PPRC1: variants seen among roughly 807,000 people sequenced by gnomAD.
PPRC1 encodes the protein peroxisome proliferator-activated receptor gamma coactivator-related protein 1.
Under a neutral mutation model 132.5 loss-of-function variants are expected in PPRC1, and 23 were observed. The ratio of observed to expected loss-of-function variants is 0.17; its 90% CI spans 0.12 to 0.25. The LOEUF is 0.25. Ranked by LOEUF, PPRC1 falls within the 10% of genes least tolerant of loss-of-function variation. PPRC1 has a pLI of 1.00. For synonymous variants in PPRC1, 872 were observed against 833.5 expected, an observed-to-expected ratio of 1.05 and a Z score of -0.80; for missense variants, 2,006 against 2,089.1, an observed-to-expected ratio of 0.96 and a Z score of 0.78.
chr10:102,131,478 A>G (rs1404566752), upstream of PPRC1, among the ~76,000 whole-genome samples: 1 of 152,154 alleles, frequency 6.6e-6, no homozygotes, highest in African/African-American at 2.4e-5. Flanking sequence ...TAGTGATGCA[A>G]TATTTCTAAA....
At chr10:102,133,270 C>G in intron 1 of PPRC1, 49 bp downstream of exon 1, 1 of 1,238,452 alleles carries the variant, frequency 8.1e-7, no homozygotes, top group Non-Finnish European at 1.0e-6. Context: ...CGGTGTGTGC[C>G]GGGCGGTGAC....
At position 102,140,897 on chromosome 10, in the gene PPRC1, A is replaced by T. The variant is rs930344023; in HGVS notation, c.2389A>T (p.Ile797Phe). The T allele has an allele frequency of 6.2e-7, 1 of 1,613,930 alleles. No homozygotes were observed. Among genetic ancestry groups the T allele is most frequent in the African/African-American group, 1.3e-5 (1 of 74,904 alleles). ...TGLADIPCLV[I>F]PPAPAKKTAL... Reference sequence around the variant, plus strand: ...GCTGGCAGACATCCCTTGTCTTGTCATCCCACCAGCCCCAGCCAAGAAGAC... The same window carrying T: ...GCTGGCAGACATCCCTTGTCTTGTCTTCCCACCAGCCCCAGCCAAGAAGAC... Residue 797 changes from isoleucine (I) to phenylalanine (F), a missense_variant, in exon 5 of 14, where the codon ATC (isoleucine) becomes TTC (phenylalanine). This residue lies in a region of PPRC1 where 1,914 missense variants were observed against 1,917.2 expected (regional missense o/e 1.00). Coordinates refer to ENST00000278070, the MANE Select transcript of PPRC1 (RefSeq NM_015062.5).
chr10:102,144,478 G>A, intron 7 of PPRC1, 171 bp downstream of exon 7: 1 of 649,560 alleles, frequency 1.5e-6, no homozygotes, highest in South Asian at 1.9e-5. Flanking sequence ...CAGTGTCTTG[G>A]GTGGTGAGGT....
At chr10:102,138,095 A>G (rs1447475970) in intron 2 of PPRC1, 57 bp downstream of exon 2, 4 of 1,548,728 alleles carry the variant, frequency 2.6e-6, no homozygotes, top group Non-Finnish European at 3.5e-6. Context: ...GGGAGGTTCT[A>G]GCTCAAATTC....
Position 102,140,628 on chromosome 10 carries a change from C to T in PPRC1, c.2120C>T (p.Pro707Leu), listed in dbSNP as rs753625577. 1 of 1,614,046 alleles carries T rather than the reference C, an allele frequency of 6.2e-7. No individual in the cohort carries two copies. The highest frequency in any genetic ancestry group is 2.2e-5 in the East Asian group (1 of 44,874). Residue 707 changes from proline to leucine, a missense_variant, in exon 5 of 14, where the codon CCC (proline) becomes CTC (leucine). Pro to Leu is a moderately conservative substitution (Grantham distance 98). Transcript: ENST00000278070. ...AVSSALGGSA[P>L]QLLVESESLD... ...TCATCAGCCCTGGGGGGTTCAGCAC[C>T]CCAGCTCCTCGTGGAGTCAGAGTCC...
chr10:102,120,473 C>A, the PPRC1 span: 2 of 838,250 alleles, frequency 2.4e-6, no homozygotes, highest in South Asian at 5.4e-5. Flanking sequence ...TCCCTCGCGC[C>A]GGCGCCGGCT....
chr10:102,149,283 C>T lies in PPRC1; in HGVS notation c.4845C>T (p.Cys1615=), dbSNP rs776830802. 5.0e-6 allele frequency: 8 copies of T among 1,610,232 alleles called. No individual in the cohort carries two copies. The highest frequency in any genetic ancestry group is 4.5e-5 in the East Asian group (2 of 44,852). The change falls in exon 13 of 14, where the codon TGC becomes TGT. Residue 1615 remains cysteine, a synonymous_variant. Transcript: ENST00000278070. The stretch of plus-strand genomic sequence containing the variant: ...CAGATGAGCAGCCCTTTGATCTCTG[C>T]TTTGGGGGCCGAAGGCAGTTCTGCA... The part of the protein sequence containing the change: ...RQADEQPFDL[C]FGGRRQFCKR...
In PPRC1 at chr10:102,139,888, G is replaced by A. The variant is rs1418341643; in HGVS notation, c.1380G>A (p.Arg460=). Residue 460 remains arginine, a synonymous_variant, in exon 5 of 14, where the codon AGG becomes AGA. Transcript: ENST00000278070. ...APGSQRARKG[R]KKKSKEQPAA... ...GTTCCCAGAGAGCTCGAAAGGGCAG[G>A]AAGAAGAAGAGCAAGGAGCAGCCAG... 6 of 1,614,056 alleles carry A rather than the reference G, an allele frequency of 3.7e-6. No individual in the cohort carries two copies. The African/African-American group carries it at 4.0e-5, about 11-fold the overall frequency.
At chr10:102,130,467 G>A (rs1263480683), upstream of PPRC1, among the ~76,000 whole-genome samples, 2 of 150,662 alleles carry the variant, frequency 1.3e-5, no homozygotes, top group Non-Finnish European at 2.9e-5. Flanking sequence ...TGGGCGCAGT[G>A]GCTCACGCCC....
rs548899341 is a variant in PPRC1 at position 102,150,194 on chromosome 10, G to T, written c.*165G>T. 10 of 572,148 alleles carry T rather than the reference G, an allele frequency of 1.7e-5. No individual in the cohort carries two copies. Among genetic ancestry groups the T allele is most frequent in the African/African-American group, 3.8e-5 (2 of 53,206 alleles). The allele number at this position is 572,148 out of a possible 1,614,324, so 35.4% of individuals were successfully genotyped here. On this transcript the variant is annotated 3_prime_UTR_variant, in exon 14 of 14. Coordinates refer to ENST00000278070, the MANE Select transcript of PPRC1 (RefSeq NM_015062.5). ...TGTTGAATCAGATTTTTTAAAAGGG[G>T]TATTTGTTTTTTTATAACAGGTATT...
chr10:102,143,310 G>A (rs554791565), intron 6 of PPRC1, among the ~76,000 whole-genome samples: 1 of 152,058 alleles, frequency 6.6e-6, no homozygotes, highest in East Asian at 1.9e-4. Context: ...AGAGTAGACT[G>A]GGAATCCAGG....
rs542830193 is a variant in PPRC1 at position 102,142,830 on chromosome 10, G to A, written c.3497-215G>A. 82 of 438,070 alleles carry A rather than the reference G, an allele frequency of 1.9e-4. 1 individual carries two copies. Among genetic ancestry groups the A allele is most frequent in the South Asian group, 1.2e-3 (26 of 21,332 alleles). 27.1% of individuals were successfully genotyped at this position (438,070 alleles called of 1,614,324 possible). On this transcript the variant is annotated intron_variant, in intron 5 of 13. Coordinates refer to ENST00000278070, the MANE Select transcript of PPRC1 (RefSeq NM_015062.5). ...AAGTAGCTGGGATTTATAGGCACAG[G>A]TGTGTGCCACCGTGCCTGGCTGTGG...
rs1291488132 is a variant in PPRC1 at position 102,141,685 on chromosome 10, A to G, written c.3177A>G (p.Pro1059=). The G allele has an allele frequency of 6.2e-7, 1 of 1,613,954 alleles. No homozygotes were observed. The highest frequency in any genetic ancestry group is 1.3e-5 in the African/African-American group (1 of 74,926). ...AGCCTACCAAGGTGGAGGTCAAGCC[A>G]GTGCCTGCATCTCCCCATCCGAAAC... ...QTEPTKVEVK[P]VPASPHPKHK... is the part of the protein sequence containing the mutation. The change falls in exon 5 of 14, where the codon CCA becomes CCG. Residue 1059 remains proline (P), a synonymous_variant. Transcript: ENST00000278070.
Position 102,140,373 on chromosome 10 carries a change from T to TTGAGCCTCTCCCGGC in PPRC1, c.1872_1886dup (p.Leu625_Pro629dup), listed in dbSNP as rs1564940163. 1 of 1,614,160 alleles carries TTGAGCCTCTCCCGGC rather than the reference T, an allele frequency of 6.2e-7. No individual in the cohort carries two copies. Among genetic ancestry groups the TTGAGCCTCTCCCGGC allele is most frequent in the African/African-American group, 1.3e-5 (1 of 75,030 alleles). On this transcript the variant is annotated inframe_insertion, in exon 5 of 14. Transcript: ENST00000278070. ...CTTGCTTCAACCAGCTCAGAACTGGTTGAGCCTCTCCCGGCTGAGCCAGTG... is the reference window on the plus strand; with the variant it reads ...CTTGCTTCAACCAGCTCAGAACTGGTTGAGCCTCTCCCGGCTGAGCCTCTCCCGGCTGAGCCAGTG...
the PPRC1 span, among the ~76,000 whole-genome samples, chr10:102,121,710 C>T: frequency 6.6e-6 from 1 of 152,092 alleles, no homozygotes; most frequent in Non-Finnish European, 1.5e-5. Flanking sequence ...TCAGTATGGG[C>T]TCCAGGGATA....
At position 102,139,558 on chromosome 10, in the gene PPRC1, G is replaced by T; in HGVS notation, c.1050G>T (p.Gly350=). 1.2e-6 allele frequency: 2 copies of T among 1,613,910 alleles called. No homozygotes were observed. The highest frequency in any genetic ancestry group is 1.3e-5 in the African/African-American group (1 of 75,066). ...PEGCVVLEIV[G]QAATAGDDLE... ...GCTGCGTAGTGCTGGAGATTGTGGG[G>T]CAGGCAGCCACAGCTGGCGATGACC... Residue 350 remains glycine, a synonymous_variant, in exon 5 of 14, where the codon GGG becomes GGT. Coordinates refer to ENST00000278070, the MANE Select transcript of PPRC1 (RefSeq NM_015062.5).
At chr10:102,145,961 G>A (rs905703195) in intron 8 of PPRC1, among the ~76,000 whole-genome samples, 1 of 152,160 alleles carries the variant, frequency 6.6e-6, no homozygotes, top group Non-Finnish European at 1.5e-5. Context: ...AATCCCCTAA[G>A]CTGAGGCTTG....
upstream of PPRC1, among the ~76,000 whole-genome samples, chr10:102,130,995 G>A (rs937096673): frequency 1.3e-4 from 19 of 151,702 alleles, no homozygotes; most frequent in African/African-American, 3.6e-4. Context: ...GATCGAGACC[G>A]TCCTGGCCAA....
Position 102,141,762 on chromosome 10 carries a change from T to G in PPRC1, c.3254T>G (p.Val1085Gly). The change falls in exon 5 of 14, where the codon GTG becomes GGG. Residue 1085 changes from valine (V) to glycine (G), a missense_variant. This residue lies in a region of PPRC1 where 1,914 missense variants were observed against 1,917.2 expected (regional missense o/e 1.00). Coordinates refer to ENST00000278070, the MANE Select transcript of PPRC1 (RefSeq NM_015062.5). ...QSPQMKALAC[V>G]SAEGVTVEEP... is the part of the protein sequence containing the mutation. The stretch of plus-strand genomic sequence containing the variant: ...CCCCAGATGAAGGCTCTAGCATGTG[T>G]GTCTGCTGAAGGTGTGACTGTTGAG... The G allele has an allele frequency of 6.2e-7, 1 of 1,613,910 alleles. No individual in the cohort carries two copies. Among genetic ancestry groups the G allele is most frequent in the Non-Finnish European group, 8.5e-7 (1 of 1,179,890 alleles).
Sources: allele counts gnomAD v4.1 joint callset (sites outside exome capture counted in the v4.1 genomes callset), GRCh38; gene constraint gnomAD v4.1.1; regional missense constraint gnomAD v4.1.1; transcripts MANE v1.5; gene names NCBI Gene and HGNC (gene_info 2026-07-23, HGNC 2026-07-21).